The following TLDC2 variants were observed in gnomAD, a reference collection of about 807,000 sequenced individuals.
TLDC2 encodes the protein TLD domain-containing protein 2.
Under a neutral mutation model 27.9 loss-of-function variants are expected in TLDC2, and 23 were observed. That is an observed-to-expected ratio of 0.82 (90% confidence interval 0.59 to 1.17). The LOEUF is 1.17. TLDC2 is among the 50% of genes most tolerant of loss of function. The pLI, the probability that TLDC2 is intolerant of heterozygous loss-of-function variation, is 0.00. For missense variants in TLDC2, 286 were observed against 273.4 expected (o/e 1.05, Z -0.32); for synonymous variants, 124 against 107.4 (o/e 1.16, Z -0.96).
chr20:36,879,885 G>GAAAA (rs71186023), intron 3 of TLDC2, among the ~76,000 whole-genome samples: 4 of 135,126 alleles, frequency 3.0e-5, no homozygotes, highest in African/African-American at 5.5e-5. Context: ...AACCCTGTCT[G>GAAAA]AAAAAAAAAA....
intron 4 of TLDC2, among the ~76,000 whole-genome samples, chr20:36,884,590 C>G (rs1364560500): frequency 2.0e-5 from 3 of 151,850 alleles, no homozygotes; most frequent in Non-Finnish European, 4.4e-5. Context: ...GACGTCTCAT[C>G]TCTACAAAAA....
At position 36,887,496 on chromosome 20, in the gene TLDC2, A is replaced by G; in HGVS notation, c.480A>G (p.Gly160=). ...WTGSNSFFVK[G]DLDSLMMGSG... ...GAAGCAACTCTTTCTTTGTGAAGGG[A>G]GACTTGGATTCACTGATGATGGGCA... is the stretch of plus-strand genomic sequence containing the variant. The change falls in exon 5 of 7, where the codon GGA becomes GGG. Residue 160 remains glycine (G), a synonymous_variant. Coordinates refer to ENST00000217320, the MANE Select transcript of TLDC2 (RefSeq NM_080628.3). The G allele has an allele frequency of 6.2e-7, 1 of 1,614,066 alleles. No homozygotes were observed. Among genetic ancestry groups the G allele is most frequent in the Admixed American group, 1.7e-5 (1 of 60,014 alleles).
At chr20:36,876,761 ACACACACACT>A (rs1220614301) in intron 1 of TLDC2, among the ~76,000 whole-genome samples, 1 of 152,094 alleles carries the variant, frequency 6.6e-6, no homozygotes, top group Non-Finnish European at 1.5e-5. Context: ...ACACATTCAA[ACACACACACT>A]CACACACACA....
chr20:36,877,782 T>C (rs1248324633), intron 1 of TLDC2, 117 bp from the exon 2 acceptor site: 1 of 1,225,468 alleles, frequency 8.2e-7, no homozygotes, highest in Non-Finnish European at 1.1e-6. Context: ...GGCTGGGGGT[T>C]ACAGGCACAT....
chr20:36,893,536 G>A lies in TLDC2; in HGVS notation c.*692G>A, dbSNP rs1041820555. On this transcript the variant is annotated 3_prime_UTR_variant, in exon 7 of 7. Coordinates refer to ENST00000217320, the MANE Select transcript of TLDC2 (RefSeq NM_080628.3). ...TTTTTCTCTGCATCAAAGCTCTAAC[G>A]TTGGTCCCATCAGCATAGGCTCCAG... 19 of 277,038 alleles carry A rather than the reference G, an allele frequency of 6.9e-5. No individual in the cohort carries two copies. The highest frequency in any genetic ancestry group is 3.3e-4 in the Admixed American group (7 of 21,096). The allele number at this position is 277,038 out of a possible 1,614,324, so 17.2% of individuals were successfully genotyped here.
At chr20:36,888,704 C>CCAATA (rs1568753300) in intron 5 of TLDC2, among the ~76,000 whole-genome samples, 1 of 62,772 alleles carries the variant, frequency 1.6e-5, no homozygotes, top group Non-Finnish European at 2.8e-5. Context: ...AGACTCCTAT[C>CCAATA]AAAAAAAAAA....
intron 6 of TLDC2, chr20:36,891,036 T>A (rs1990062364): frequency 6.6e-6 from 1 of 152,316 alleles, no homozygotes. Flanking sequence ...GGGCACATGA[T>A]GTCTGACCCC....
chr20:36,877,592 G>A lies in TLDC2; in HGVS notation c.34-307G>A, dbSNP rs1002188222. Among the ~76,000 whole-genome samples, 5 of 134,984 alleles carry A rather than the reference G, an allele frequency of 3.7e-5. No individual in the cohort carries two copies. In the East Asian group the frequency reaches 9.9e-4, roughly 27 times the overall value. The allele number at this position is 134,984 out of a possible 152,430, so 88.6% of individuals were successfully genotyped here. On this transcript the variant is annotated intron_variant, in intron 1 of 6. Transcript: ENST00000217320. The stretch of plus-strand genomic sequence containing the variant: ...AACTTGATCCCTGCCACCCACCCAG[G>A]ACCATGGCAAACAGACCGACAAGTC...
chr20:36,888,663 G>A (rs978744585), intron 5 of TLDC2, among the ~76,000 whole-genome samples: 2 of 131,054 alleles, frequency 1.5e-5, no homozygotes, highest in African/African-American at 2.9e-5. Flanking sequence ...CCAAGATCGC[G>A]CCATTGCACT....
chr20:36,886,852 T>C (rs907817524), intron 4 of TLDC2, among the ~76,000 whole-genome samples: 25 of 152,092 alleles, frequency 1.6e-4, no homozygotes, highest in Admixed American at 1.5e-3. Flanking sequence ...TTTATCCCCA[T>C]TGCAATGGGA....
intron 4 of TLDC2, among the ~76,000 whole-genome samples, chr20:36,881,044 C>T (rs1410045175): frequency 2.0e-5 from 3 of 152,122 alleles, no homozygotes; most frequent in African/African-American, 4.8e-5. Context: ...GACCTGAGGG[C>T]GTGGTGGCAG....
At position 36,887,573 on chromosome 20, in the gene TLDC2, G is replaced by C. The variant is rs1185295707; in HGVS notation, c.512+45G>C. The C allele has an allele frequency of 1.9e-6, 3 of 1,572,236 alleles. No homozygotes were observed. In the South Asian group the frequency reaches 3.3e-5, roughly 17 times the overall value. On this transcript the variant is annotated intron_variant, in intron 5 of 6. Coordinates refer to ENST00000217320, the MANE Select transcript of TLDC2 (RefSeq NM_080628.3). ...CGAGTCTTGGGGCGGTCTGTGTTCT[G>C]GTCCCTTTCCCTCTGCCGAACTGCT...
intron 5 of TLDC2, among the ~76,000 whole-genome samples, chr20:36,888,438 G>T (rs552530369): frequency 6.6e-6 from 1 of 151,950 alleles, no homozygotes; most frequent in Admixed American, 6.6e-5. Context: ...CGAGCGTGGT[G>T]GCTTGTGCCT....
chr20:36,886,101 G>A (rs1240985548), intron 4 of TLDC2, among the ~76,000 whole-genome samples: 1 of 152,178 alleles, frequency 6.6e-6, no homozygotes, highest in Non-Finnish European at 1.5e-5. Flanking sequence ...AGGGGTTAGA[G>A]CTGGCTGCAC....
intron 6 of TLDC2, chr20:36,892,584 A>C (rs1250083173): frequency 3.1e-6 from 1 of 317,954 alleles, no homozygotes; most frequent in African/African-American, 2.2e-5. Context: ...TGAGCCCAGG[A>C]AAGTTCGAGT....
intron 5 of TLDC2, among the ~76,000 whole-genome samples, chr20:36,888,204 T>C (rs1261284833): frequency 6.6e-6 from 1 of 152,052 alleles, no homozygotes; most frequent in Admixed American, 6.6e-5. Flanking sequence ...GTTTGCACCC[T>C]GAGATGTACT....
chr20:36,881,880 T>C (rs1346796131), intron 4 of TLDC2, among the ~76,000 whole-genome samples: 1 of 152,090 alleles, frequency 6.6e-6, no homozygotes, highest in East Asian at 1.9e-4. Flanking sequence ...ACATTTGAAA[T>C]AGGCTGTGGA....
In TLDC2 at chr20:36,877,940, C is replaced by CGAAGAG. The variant is rs1250772054; in HGVS notation, c.84_89dup (p.Glu31_Glu32dup). 2 of 1,613,794 alleles carry CGAAGAG rather than the reference C, an allele frequency of 1.2e-6. No individual in the cohort carries two copies. Among genetic ancestry groups the CGAAGAG allele is most frequent in the Non-Finnish European group, 1.7e-6 (2 of 1,179,946 alleles). On this transcript the variant is annotated inframe_insertion, in exon 2 of 7. Coordinates refer to ENST00000217320, the MANE Select transcript of TLDC2 (RefSeq NM_080628.3). ...ACACCCTGTCTGGGGAGGAGGGTAA[C>CGAAGAG]GAAGAGGAAGAGGAGGAGGAGGCAG...
chr20:36,876,704 T>TACACACTCAAATGCACTC (rs1989676402), intron 1 of TLDC2, among the ~76,000 whole-genome samples: 1 of 151,590 alleles, frequency 6.6e-6, no homozygotes, highest in Admixed American at 6.6e-5. Context: ...AATGCACTCA[T>TACACACTCAAATGCACTC]ACACACTCAA....
Sources: gnomAD v4.1 joint callset for allele counts (sites outside exome capture counted in the v4.1 genomes callset) on GRCh38, gnomAD v4.1.1 for gene constraint, MANE v1.5 for transcripts, NCBI Gene and HGNC (gene_info 2026-07-23, HGNC 2026-07-21) for gene names.